The following PLA2G4C variants were observed in gnomAD, a reference collection of about 807,000 sequenced individuals.
PLA2G4C encodes phospholipase A2 group IVC, also known as cytosolic phospholipase A2 gamma.
Under a neutral mutation model 73.8 loss-of-function variants are expected in PLA2G4C, and 64 were observed. That is an observed-to-expected ratio of 0.87 (90% confidence interval 0.71 to 1.07). PLA2G4C has a LOEUF of 1.07. Ranked by LOEUF, PLA2G4C falls within the 50% of genes least tolerant of loss-of-function variation. The pLI is 0.00. For missense variants in PLA2G4C, 622 were observed against 665.4 expected (o/e 0.93, Z 0.72); for synonymous variants, 254 against 252.1 (o/e 1.01, Z -0.07).
intron 16 of PLA2G4C, among the ~76,000 whole-genome samples, chr19:48,052,423 G>A (rs1346731318): frequency 1.3e-5 from 2 of 151,938 alleles, no homozygotes; most frequent in Non-Finnish European, 2.9e-5. Flanking sequence ...AGCACTTCCC[G>A]CTTTGCTCTC....
At chr19:48,095,821 A>G (rs759560980) in intron 6 of PLA2G4C, among the ~76,000 whole-genome samples, 31 of 152,086 alleles carry the variant, frequency 2.0e-4, no homozygotes, top group Non-Finnish European at 4.0e-4. Flanking sequence ...CCTGTTTCCA[A>G]TATTTTCCAG....
chr19:48,048,188 A>G lies in PLA2G4C; in HGVS notation c.*155T>C. 5.0e-6 allele frequency: 3 copies of G among 600,500 alleles called. No homozygotes were observed. The highest frequency in any genetic ancestry group is 2.1e-5 in the South Asian group (1 of 48,348). The allele number at this position is 600,500 out of a possible 1,614,324, so 37.2% of individuals were successfully genotyped here. ...AATGACGCTATCAAAATCACAGTCT[A>G]GCTGGTCACTGGTGATTGGCCCTGT... On this transcript the variant is annotated 3_prime_UTR_variant, in exon 17 of 17. Coordinates refer to ENST00000599921, the MANE Select transcript of PLA2G4C (RefSeq NM_003706.3).
At position 48,090,409 on chromosome 19, in the gene PLA2G4C, C is replaced by T. The variant is rs772437983; in HGVS notation, c.718G>A (p.Gly240Arg). The change falls in exon 8 of 17, where the codon GGA becomes AGA. Residue 240 changes from glycine (G) to arginine (R), a missense_variant. By Grantham distance (125) the Gly-to-Arg change is moderately radical. Transcript: ENST00000599921. ...RDLTFLRGLWGSALGNTEVIR... is the reference protein window; with the variant it reads ...RDLTFLRGLWRSALGNTEVIR... Reference sequence around the variant, plus strand: ...ACTTCAGTGTTACCAAGAGCACTTCCCCATAAACCTGCCAAGAAAAGAGCA... The same window carrying T: ...ACTTCAGTGTTACCAAGAGCACTTCTCCATAAACCTGCCAAGAAAAGAGCA... 1.4e-5 allele frequency: 22 copies of T among 1,611,460 alleles called. No homozygotes were observed. Among genetic ancestry groups the T allele is most frequent in the Non-Finnish European group, 1.8e-5 (21 of 1,177,714 alleles).
At chr19:48,089,392 G>A (rs1377802218) in intron 8 of PLA2G4C, among the ~76,000 whole-genome samples, 1 of 152,064 alleles carries the variant, frequency 6.6e-6, no homozygotes, top group African/African-American at 2.4e-5. Context: ...ACTCCAGCCT[G>A]GGCAACAGAG....
chr19:48,052,017 C>T (rs536203544), intron 16 of PLA2G4C: 1 of 151,762 alleles, frequency 6.6e-6, no homozygotes, highest in African/African-American at 2.4e-5. Context: ...GTAGCTGAGA[C>T]TATAGGCTTG....
chr19:48,105,874 CT>C (rs2032169599), intron 2 of PLA2G4C, among the ~76,000 whole-genome samples: 1 of 57,668 alleles, frequency 1.7e-5, no homozygotes, highest in Non-Finnish European at 4.0e-5. Context: ...TCCTTCCTTC[CT>C]TCCCTCCTTC....
Position 48,110,675 on chromosome 19 carries a change from C to A in PLA2G4C, c.-221G>T. 1.8e-6 allele frequency: 1 copy of A among 543,462 alleles called. No homozygotes were observed. Among genetic ancestry groups the A allele is most frequent in the Non-Finnish European group, 3.0e-6 (1 of 333,822 alleles). The allele number at this position is 543,462 out of a possible 1,614,324, so 33.7% of individuals were successfully genotyped here. A position where few individuals can be genotyped will look rare whatever the true frequency, so the allele number is the denominator to read the frequency against. On this transcript the variant is annotated 5_prime_UTR_variant, in exon 1 of 17. Transcript: ENST00000599921. ...TCTGTGGTCCTCCTGCTTTCCTTTT[C>A]CCCCTGTGGGAGGAGGTCGCGGGCT...
At chr19:48,090,535 G>C (rs573064369) in intron 7 of PLA2G4C, 118 bp from the exon 8 acceptor site, 18 of 764,400 alleles carry the variant, frequency 2.4e-5, no homozygotes, top group Non-Finnish European at 3.9e-5. Context: ...CAGGAAGAAA[G>C]ATCTTTCTTC....
At position 48,099,859 on chromosome 19, in the gene PLA2G4C, C is replaced by T; in HGVS notation, c.259G>A (p.Ala87Thr). The change falls in exon 5 of 17, where the codon GCA becomes ACA. Residue 87 changes from alanine to threonine, a missense_variant and splice_region_variant. Ala to Thr is a moderately conservative substitution (Grantham distance 58). Coordinates refer to ENST00000599921, the MANE Select transcript of PLA2G4C (RefSeq NM_003706.3). ...TCATTGGTGTAGAGAGAAGATATTG[C>T]CCTGGAGGACAGAGGAAGAGAGTGA... Reference protein sequence around the residue: ...YLAGVSGSTWAISSLYTNDGD... With the variant: ...YLAGVSGSTWTISSLYTNDGD... 6.2e-7 allele frequency: 1 copy of T among 1,607,374 alleles called. No homozygotes were observed. Among genetic ancestry groups the T allele is most frequent in the Non-Finnish European group, 8.5e-7 (1 of 1,175,116 alleles).
chr19:48,105,797 TCCCTCCCTCCCTCCCCTTCCCTC>T (rs2032150312), intron 2 of PLA2G4C, among the ~76,000 whole-genome samples: 1 of 35,406 alleles, frequency 2.8e-5, no homozygotes, highest in African/African-American at 8.6e-5. Flanking sequence ...CCTCCCTCCC[TCCCTCCCTCCCTCCCCTTCCCTC>T]CCCTCCCTCC....
intron 8 of PLA2G4C, among the ~76,000 whole-genome samples, chr19:48,089,504 A>G (rs1418715950): frequency 6.6e-6 from 1 of 152,200 alleles, no homozygotes; most frequent in African/African-American, 2.4e-5. Context: ...CATTAAATGA[A>G]TGACGAGTGG....
intron 16 of PLA2G4C, among the ~76,000 whole-genome samples, chr19:48,050,706 G>T (rs139244211): frequency 1.8e-5 from 1 of 55,336 alleles, no homozygotes; most frequent in South Asian, 7.4e-4. Flanking sequence ...ACAGGGTCTC[G>T]CTCTGTCATC....
chr19:48,067,666 A>G (rs531261939), intron 13 of PLA2G4C, 125 bp downstream of exon 13: 27 of 730,790 alleles, frequency 3.7e-5, no homozygotes, highest in Admixed American at 9.7e-5. Flanking sequence ...GCCCTTTGAC[A>G]CCACCCCCCT....
rs554478393 is a variant in PLA2G4C, at chr19:48,088,421, A to C, written c.790+265T>G. 6.8e-4 allele frequency among the ~76,000 whole-genome samples: 104 copies of C among 152,320 alleles called. 1 individual carries two copies. The highest frequency in any genetic ancestry group is 2.4e-3 in the African/African-American group (98 of 41,572). ...CCAACATAAATTCAAGAATAATTAAAAGAAATAGTCTACTCAAATGAGAAG... is the reference window on the plus strand; with the variant it reads ...CCAACATAAATTCAAGAATAATTAACAGAAATAGTCTACTCAAATGAGAAG... On this transcript the variant is annotated intron_variant, in intron 9 of 16. Transcript: ENST00000599921.
chr19:48,071,103 T>C (rs1968640531), intron 12 of PLA2G4C, among the ~76,000 whole-genome samples: 1 of 152,188 alleles, frequency 6.6e-6, no homozygotes, highest in African/African-American at 2.4e-5. Context: ...TAGATATAGA[T>C]AGATAGATAT....
Position 48,053,141 on chromosome 19 carries a change from A to G in PLA2G4C, c.1436T>C (p.Ile479Thr), listed in dbSNP as rs974274765. 4 of 1,588,976 alleles carry G rather than the reference A, an allele frequency of 2.5e-6. No homozygotes were observed. The highest frequency in any genetic ancestry group is 1.3e-5 in the African/African-American group (1 of 74,496). Residue 479 changes from isoleucine to threonine, a missense_variant, in exon 16 of 17, where the codon ATT becomes ACT. By Grantham distance (89) the Ile-to-Thr change is moderately conservative (BLOSUM62 -1). Transcript: ENST00000599921. ...GTCGTATGTGTCACTCCATGCCTCA[A>G]TATCACCTGAAGCATAACCAAACCA... ...LFNIDACGGDIEAWSDTYDTF... is the reference protein window; with the variant it reads ...LFNIDACGGDTEAWSDTYDTF...
Position 48,106,531 on chromosome 19 carries a change from G to A in PLA2G4C, c.-2C>T, listed in dbSNP as rs2032245608. ...CTCTAAGAGGACTTACCTTCCCATGGTGCACTGCGGTCAGAAAATTCTCAG... is the reference window on the plus strand; with the variant it reads ...CTCTAAGAGGACTTACCTTCCCATGATGCACTGCGGTCAGAAAATTCTCAG... On this transcript the variant is annotated 5_prime_UTR_variant, in exon 2 of 17. Transcript: ENST00000599921. 1.2e-6 allele frequency: 2 copies of A among 1,612,010 alleles called. No homozygotes were observed. The highest frequency in any genetic ancestry group is 2.2e-5 in the South Asian group (2 of 91,050).
intron 14 of PLA2G4C, among the ~76,000 whole-genome samples, chr19:48,058,538 C>A (rs1968047254): frequency 6.6e-6 from 1 of 152,136 alleles, no homozygotes; most frequent in African/African-American, 2.4e-5. Flanking sequence ...TGACATTCAG[C>A]TGGGCACAGT....
Position 48,052,999 on chromosome 19 carries a change from G to A in PLA2G4C, c.1578C>T (p.Ala526=), listed in dbSNP as rs758436126. The change falls in exon 16 of 17, where the codon GCC becomes GCT. Residue 526 remains alanine, a splice_region_variant and synonymous_variant. Transcript: ENST00000599921. ...KKILRELMNV[A]GLYYPKDSAR... is the part of the protein sequence containing the mutation. ...AGCGACTATGGTCTCCCACCTACCC[G>A]GCCACGTTCATCAACTCTCTAAGGA... 6.8e-6 allele frequency: 11 copies of A among 1,606,580 alleles called. No individual in the cohort carries two copies. The highest frequency in any genetic ancestry group is 1.1e-5 in the South Asian group (1 of 90,336).
Sources: allele counts gnomAD v4.1 joint callset (sites outside exome capture counted in the v4.1 genomes callset), GRCh38; gene constraint gnomAD v4.1.1; transcripts MANE v1.5; gene names NCBI Gene and HGNC (gene_info 2026-07-23, HGNC 2026-07-21).